SH3D21: variants seen among roughly 807,000 people sequenced by gnomAD.
The protein encoded by SH3D21 is SH3 domain-containing protein 21.
A neutral mutation model predicts 82.1 loss-of-function variants in SH3D21; 83 were observed. The observed-to-expected ratio is 1.01, with a 90% CI of 0.85 to 1.21. The LOEUF (loss-of-function observed/expected upper bound fraction) is 1.21. Ranked by LOEUF, SH3D21 falls within the 50% of genes most tolerant of loss-of-function variation. The pLI, the probability that SH3D21 is intolerant of heterozygous loss-of-function variation, is 0.00. For missense variants in SH3D21, 980 were observed against 962.1 expected (o/e 1.02, Z -0.25); for synonymous variants, 383 against 387.8 (o/e 0.99, Z 0.15).
At chr1:36,323,095 C>T, downstream of SH3D21, 1 of 1,568,086 alleles carries the variant, frequency 6.4e-7, no homozygotes, top group Non-Finnish European at 8.6e-7. Context: ...TCAGATCCTT[C>T]TCCCAGCCTG....
At position 36,320,124 on chromosome 1, in the gene SH3D21, C is replaced by A. The variant is rs1570403294; in HGVS notation, c.1461C>A (p.Thr487=). The A allele has an allele frequency of 1.9e-6, 3 of 1,613,986 alleles. No individual in the cohort carries two copies. Among genetic ancestry groups the A allele is most frequent in the Non-Finnish European group, 8.5e-7 (1 of 1,180,026 alleles). ...CCCCCACTCTAGAAAAGGTCTTGACCCCAGAGCTTTCTGAAGAAGAGGTGT... is the reference window on the plus strand; with the variant it reads ...CCCCCACTCTAGAAAAGGTCTTGACACCAGAGCTTTCTGAAGAAGAGGTGT... ...DEAPTLEKVL[T]PELSEEEVST... is the part of the protein sequence containing the mutation. The change falls in exon 14 of 16, where the codon ACC becomes ACA. Residue 487 remains threonine, a synonymous_variant. Transcript: ENST00000453908.
chr1:36,308,124 T>C lies in SH3D21; in HGVS notation c.554T>C (p.Val185Ala), dbSNP rs1386381122. 6.5e-7 allele frequency: 1 copy of C among 1,549,076 alleles called. No homozygotes were observed. Reference protein sequence around the residue: ...DYLQTVSHPEVYRVLFDYQPE... With the variant: ...DYLQTVSHPEAYRVLFDYQPE... ...CTCTTCCCAGTCTCCCACCCTGAGG[T>C]CTACAGGGTCCTGTTTGACTACCAG... Residue 185 changes from valine to alanine, a missense_variant, in exon 8 of 16, where the codon GTC (valine) becomes GCC (alanine). Coordinates refer to ENST00000453908, the MANE Select transcript of SH3D21 (RefSeq NM_001162530.2).
chr1:36,319,362 G>T (rs899484614), intron 12 of SH3D21, 50 bp downstream of exon 12: 21 of 1,551,156 alleles, frequency 1.4e-5, no homozygotes, highest in Non-Finnish European at 1.7e-5. Context: ...ACAGGGATGG[G>T]GTGGCTGTGC....
downstream of SH3D21, chr1:36,323,052 C>T: frequency 1.3e-6 from 2 of 1,598,060 alleles, no homozygotes; most frequent in Non-Finnish European, 1.7e-6. Flanking sequence ...CTCTGGGGGG[C>T]AGCTCCCCTA....
downstream of SH3D21, chr1:36,321,777 C>G (rs1190113425): frequency 1.2e-5 from 12 of 1,000,668 alleles, no homozygotes; most frequent in Non-Finnish European, 1.4e-5. The surrounding 1 kb of genome is among the most constrained non-coding windows in gnomAD (Gnocchi z 6.1). Flanking sequence ...AGGCGTTTGC[C>G]GGTAAGGAAT....
rs1570369462 is a variant in SH3D21, at chr1:36,307,147, C to T, written c.227-20C>T. 3 of 1,551,140 alleles carry T rather than the reference C, an allele frequency of 1.9e-6. No individual in the cohort carries two copies. Among genetic ancestry groups the T allele is most frequent in the Non-Finnish European group, 2.6e-6 (3 of 1,146,732 alleles). ...ACTGGGGCGTCCGACTGGAGCTCAG[C>T]CGCGCTTGTCCGGTGCTAGGTCATC... is the stretch of plus-strand genomic sequence containing the variant. On this transcript the variant is annotated intron_variant, in intron 3 of 15. Transcript: ENST00000453908. The surrounding 1 kb of genome is among the most constrained non-coding windows in gnomAD (Gnocchi z 5.4).
chr1:36,308,343 C>G (rs1257766249), intron 8 of SH3D21, 46 bp from the exon 9 acceptor site: 8 of 1,536,294 alleles, frequency 5.2e-6, no homozygotes, highest in Admixed American at 3.9e-5. Context: ...CGGAAAGGAC[C>G]TTGGGGGACC....
chr1:36,307,828 A>C lies in SH3D21; in HGVS notation c.492+3A>C. 1 of 1,551,720 alleles carries C rather than the reference A, an allele frequency of 6.4e-7. No homozygotes were observed. Among genetic ancestry groups the C allele is most frequent in the Non-Finnish European group, 8.7e-7 (1 of 1,146,994 alleles). On this transcript the variant is annotated splice_donor_region_variant and intron_variant, in intron 6 of 15. Coordinates refer to ENST00000453908, the MANE Select transcript of SH3D21 (RefSeq NM_001162530.2). The surrounding 1 kb of genome is among the most constrained non-coding windows in gnomAD (Gnocchi z 5.4). ...CTGGTCCCCAGCGGCCTCCCAAGGT[A>C]AGTTGGCTCAGAGTAGGCACAGAGG... is the stretch of plus-strand genomic sequence containing the variant.
Position 36,308,463 on chromosome 1 carries a change from C to G in SH3D21, c.714C>G (p.Leu238=). The change falls in exon 9 of 16, where the codon CTC becomes CTG. Residue 238 remains leucine (L), a synonymous_variant. Coordinates refer to ENST00000453908, the MANE Select transcript of SH3D21 (RefSeq NM_001162530.2). ...RRGVFPDNFV[L]PPPPIKKLVP... ...GAGTTTTTCCAGACAACTTTGTACT[C>G]CCACCACCCCCAGTGAGTACAGAGC... 6.4e-7 allele frequency: 1 copy of G among 1,551,576 alleles called. No individual in the cohort carries two copies. The highest frequency in any genetic ancestry group is 8.7e-7 in the Non-Finnish European group (1 of 1,146,926).
chr1:36,321,103 C>T lies in SH3D21; in HGVS notation c.2247C>T (p.Ile749=). Residue 749 remains isoleucine, a synonymous_variant, in exon 16 of 16, where the codon ATC becomes ATT. Coordinates refer to ENST00000453908, the MANE Select transcript of SH3D21 (RefSeq NM_001162530.2). This position sits in a 1 kb window ranked among gnomAD's most constrained non-coding sequence, Gnocchi z 6.1. ...AGAAGTCCCAGACCCCGCGCGTCAT[C>T]CACACGCAGACGCAGACCTACTGAG... ...GTQKSQTPRV[I]HTQTQTY 6.2e-7 allele frequency: 1 copy of T among 1,612,072 alleles called. No individual in the cohort carries two copies. The highest frequency in any genetic ancestry group is 2.2e-5 in the East Asian group (1 of 44,830).
downstream of SH3D21, chr1:36,322,704 A>G (rs1646487953): frequency 3.2e-6 from 5 of 1,546,570 alleles, no homozygotes; most frequent in Non-Finnish European, 4.4e-6. Context: ...CACGAAGTAG[A>G]GGCCGAAGCT....
chr1:36,314,067 C>T (rs1362628669), intron 10 of SH3D21, among the ~76,000 whole-genome samples: 3 of 137,588 alleles, frequency 2.2e-5, no homozygotes, highest in Non-Finnish European at 3.1e-5. Flanking sequence ...CTCTGCCTCC[C>T]GGGTTCACGC....
chr1:36,322,758 C>T, downstream of SH3D21: 3 of 1,538,358 alleles, frequency 2.0e-6, no homozygotes, highest in South Asian at 1.2e-5. Flanking sequence ...CACGGAGAGG[C>T]CCGGACGGGT....
downstream of SH3D21, chr1:36,321,945 TCAAGCTGGG>T: frequency 9.0e-7 from 1 of 1,108,956 alleles, no homozygotes; most frequent in Non-Finnish European, 1.1e-6. This position sits in a 1 kb window ranked among gnomAD's most constrained non-coding sequence, Gnocchi z 6.1. Flanking sequence ...GGTAAGGGAG[TCAAGCTGGG>T]CCTCAGTCCT....
chr1:36,322,990 A>C, downstream of SH3D21: 1 of 1,606,020 alleles, frequency 6.2e-7, no homozygotes, highest in Non-Finnish European at 8.5e-7. Context: ...GCGCGTAGGC[A>C]GCCAGGCTGT....
In SH3D21 at chr1:36,307,308, C is replaced by T. The variant is rs955819631; in HGVS notation, c.345+23C>T. On this transcript the variant is annotated intron_variant, in intron 4 of 15. Transcript: ENST00000453908. The surrounding 1 kb of genome is among the most constrained non-coding windows in gnomAD (Gnocchi z 5.4). ...GAGGTGAGGGGTGAGGTGATGGGAC[C>T]GTTTGGGGGAGGATGATGGAACGCG... is the stretch of plus-strand genomic sequence containing the variant. 1 of 1,551,222 alleles carries T rather than the reference C, an allele frequency of 6.4e-7. No homozygotes were observed. The highest frequency in any genetic ancestry group is 1.2e-5 in the South Asian group (1 of 84,024).
At chr1:36,312,450 T>C (rs950032479) in intron 10 of SH3D21, among the ~76,000 whole-genome samples, 4 of 152,260 alleles carry the variant, frequency 2.6e-5, no homozygotes, top group African/African-American at 9.6e-5. Context: ...TTGATTTTTG[T>C]ATATTGTTTT....
downstream of SH3D21, among the ~76,000 whole-genome samples, chr1:36,327,285 T>A (rs1316291704): frequency 6.6e-6 from 1 of 152,240 alleles, no homozygotes. Context: ...TGTCAGTGAC[T>A]GTTTGCACAG....
At chr1:36,310,560 A>G (rs764870846) in intron 10 of SH3D21, among the ~76,000 whole-genome samples, 4 of 151,682 alleles carry the variant, frequency 2.6e-5, no homozygotes, top group Non-Finnish European at 5.9e-5. Context: ...GGTTGCAGTG[A>G]GCTGAGATCA....
Sources: gnomAD v4.1 joint callset for allele counts (sites outside exome capture counted in the v4.1 genomes callset) on GRCh38, gnomAD v4.1.1 for gene constraint, Gnocchi (gnomAD v3.1) non-coding constraint, MANE v1.5 for transcripts, NCBI Gene and HGNC (gene_info 2026-07-23, HGNC 2026-07-21) for gene names.